CNR1: variants seen among roughly 807,000 people sequenced by gnomAD.
CNR1 encodes the protein cannabinoid receptor 1 (brain).
CNR1 carries 10 observed loss-of-function variants against 23.0 expected under a neutral mutation model. The ratio of observed to expected loss-of-function variants is 0.43; its 90% CI spans 0.27 to 0.74. The LOEUF is 0.74. CNR1 is among the 30% of genes least tolerant of loss of function. The pLI is 0.19. For missense variants in CNR1, 422 were observed against 618.8 expected (o/e 0.68, Z 3.37); for synonymous variants, 271 against 255.2 (o/e 1.06, Z -0.59).
intron 1 of CNR1, among the ~76,000 whole-genome samples, chr6:88,150,715 G>A (rs1176856319): frequency 6.6e-5 from 10 of 152,100 alleles, no homozygotes. Flanking sequence ...TTTAAGTATG[G>A]GTGGGAGTTG....
At position 88,143,842 on chromosome 6, in the gene CNR1, G is replaced by T. The variant is rs1357631157; in HGVS notation, c.*14C>A. 1.9e-6 allele frequency: 3 copies of T among 1,601,818 alleles called. No homozygotes were observed. The highest frequency in any genetic ancestry group is 1.1e-5 in the South Asian group (1 of 90,426). ...AAAAAATTCTTTTCCTGTGCTGCCAGGGAGGCATCAGGCTCACAGAGCCTC... is the reference window on the plus strand; with the variant it reads ...AAAAAATTCTTTTCCTGTGCTGCCATGGAGGCATCAGGCTCACAGAGCCTC... On this transcript the variant is annotated 3_prime_UTR_variant, in exon 2 of 2. Transcript: ENST00000369501.
intron 1 of CNR1, among the ~76,000 whole-genome samples, chr6:88,148,541 C>T (rs539604409): frequency 2.4e-3 from 359 of 152,048 alleles, no homozygotes; most frequent in Non-Finnish European, 3.8e-3. Context: ...AAGGATTCTC[C>T]CAATGCTGAT....
chr6:88,145,487 C>T (rs1301680242), intron 1 of CNR1, 150 bp from the exon 2 acceptor site: 2 of 532,202 alleles, frequency 3.8e-6, no homozygotes, highest in Admixed American at 7.0e-5. Context: ...ATTCAGTCAA[C>T]AAAATGAGTA....
At chr6:88,153,344 G>C (rs557735829) in intron 1 of CNR1, among the ~76,000 whole-genome samples, 2 of 152,084 alleles carry the variant, frequency 1.3e-5, no homozygotes, top group African/African-American at 2.4e-5. Context: ...AACCACAAAG[G>C]GTTTAAAATG....
intron 1 of CNR1, among the ~76,000 whole-genome samples, chr6:88,153,168 C>T (rs962920245): frequency 2.0e-5 from 3 of 152,030 alleles, no homozygotes; most frequent in Non-Finnish European, 2.9e-5. Flanking sequence ...TTCTTTTTGT[C>T]TATTTCTCTG....
chr6:88,147,125 T>C (rs1043770420), intron 1 of CNR1, among the ~76,000 whole-genome samples: 7 of 152,050 alleles, frequency 4.6e-5, no homozygotes, highest in South Asian at 2.1e-4. Context: ...ACCCCGTCTC[T>C]ACTAAAAATA....
chr6:88,166,199 G>T lies in CNR1; in HGVS notation c.-460C>A, dbSNP rs1008561700. On this transcript the variant is annotated 5_prime_UTR_variant, in exon 1 of 2. Transcript: ENST00000369501. ...GCGCCCCGCTGCTCCGACCGCCGGC[G>T]AGCCTCGCCCCTTCCCAGGCTCTTC... 1 of 151,954 alleles carries T rather than the reference G, an allele frequency of 6.6e-6. No homozygotes were observed. Among genetic ancestry groups the T allele is most frequent in the Non-Finnish European group, 1.5e-5 (1 of 67,986 alleles). The allele number at this position is 151,954 out of a possible 1,614,324, so 9.4% of individuals were successfully genotyped here. A position where few individuals can be genotyped will look rare whatever the true frequency, so the allele number is the denominator to read the frequency against.
intron 1 of CNR1, among the ~76,000 whole-genome samples, chr6:88,150,186 A>G (rs1777442098): frequency 6.6e-6 from 1 of 152,222 alleles, no homozygotes; most frequent in Non-Finnish European, 1.5e-5. Flanking sequence ...TCTTCCCTCA[A>G]TTAACTAACT....
chr6:88,142,587 G>A lies in CNR1; in HGVS notation c.*1269C>T, dbSNP rs1776882471. The A allele has an allele frequency of 6.6e-6, 1 of 152,324 alleles. No individual in the cohort carries two copies. Among genetic ancestry groups the A allele is most frequent in the Non-Finnish European group, 1.5e-5 (1 of 68,030 alleles). 9.4% of individuals were successfully genotyped at this position (152,324 alleles called of 1,614,324 possible). ...TTGATCCAATCTCTTAAGGAGGGAT[G>A]GGGTGAAATTTTTGAATGGTTGGAG... On this transcript the variant is annotated 3_prime_UTR_variant, in exon 2 of 2. Transcript: ENST00000369501.
chr6:88,144,787 T>A lies in CNR1; in HGVS notation c.488A>T (p.Asp163Val). ...YHFIGSLAVA[D>V]LLGSVIFVYS... ...GACAAAAATGACACTCCCCAGGAGG[T>A]CTGCCACCGCCAGGCTGCCGATGAA... The change falls in exon 2 of 2, where the codon GAC (aspartate) becomes GTC (valine). Residue 163 changes from aspartate (D) to valine (V), a missense_variant. Around this residue, in one of 4 missense-constraint regions of CNR1, gnomAD observed 211 missense variants for 357.3 expected, o/e 0.59. Coordinates refer to ENST00000369501, the MANE Select transcript of CNR1 (RefSeq NM_016083.6). This position sits in a 1 kb window ranked among gnomAD's most constrained non-coding sequence, Gnocchi z 7.8. 1 of 1,614,066 alleles carries A rather than the reference T, an allele frequency of 6.2e-7. No individual in the cohort carries two copies. Among genetic ancestry groups the A allele is most frequent in the Non-Finnish European group, 8.5e-7 (1 of 1,180,010 alleles).
chr6:88,157,977 C>A (rs1028708061), intron 1 of CNR1, among the ~76,000 whole-genome samples: 1 of 152,116 alleles, frequency 6.6e-6, no homozygotes, highest in Admixed American at 6.6e-5. Flanking sequence ...TTTATTATTG[C>A]GTAAATCCGG....
At chr6:88,163,507 C>G (rs193014105) in intron 1 of CNR1, among the ~76,000 whole-genome samples, 77 of 152,312 alleles carry the variant, frequency 5.1e-4, no homozygotes, top group African/African-American at 1.8e-3. Context: ...AACCAAGAAG[C>G]CTGTCTAAAT....
At chr6:88,167,097 G>C (rs1695654649), upstream of CNR1, among the ~76,000 whole-genome samples, 1 of 151,978 alleles carries the variant, frequency 6.6e-6, no homozygotes, top group East Asian at 1.9e-4. Flanking sequence ...GCCGGTCCCC[G>C]ATGCAAACAG....
At chr6:88,148,647 G>C (rs1777342991) in intron 1 of CNR1, among the ~76,000 whole-genome samples, 1 of 152,162 alleles carries the variant, frequency 6.6e-6, no homozygotes, top group Non-Finnish European at 1.5e-5. Flanking sequence ...ATTTAGGTAA[G>C]GTTATTAGCA....
chr6:88,149,438 TTA>T (rs1274461798), intron 1 of CNR1, among the ~76,000 whole-genome samples: 2 of 152,224 alleles, frequency 1.3e-5, no homozygotes, highest in African/African-American at 4.8e-5. Context: ...CCTTGCAAAC[TTA>T]TGTTTGCTTA....
chr6:88,144,594 A>T lies in CNR1; in HGVS notation c.681T>A (p.Ile227=), dbSNP rs1582325473. 1 of 1,614,212 alleles carries T rather than the reference A, an allele frequency of 6.2e-7. No individual in the cohort carries two copies. The highest frequency in any genetic ancestry group is 8.5e-7 in the Non-Finnish European group (1 of 1,180,036). Residue 227 remains isoleucine, a synonymous_variant, in exon 2 of 2, where the codon ATT becomes ATA. Transcript: ENST00000369501. This position sits in a 1 kb window ranked among gnomAD's most constrained non-coding sequence, Gnocchi z 7.8. The part of the protein sequence containing the change: ...SIHRPLAYKR[I]VTRPKAVVAF... ...CCACCACGGCCTTGGGCCTGGTGAC[A>T]ATCCTCTTATAGGCCAGGGGCCTGT...
At chr6:88,147,302 T>C (rs1777253343) in intron 1 of CNR1, among the ~76,000 whole-genome samples, 1 of 151,964 alleles carries the variant, frequency 6.6e-6, no homozygotes, top group Non-Finnish European at 1.5e-5. Flanking sequence ...CAGAGCAACA[T>C]TCTGTGAAAA....
intron 1 of CNR1, among the ~76,000 whole-genome samples, chr6:88,147,024 A>G (rs539142255): frequency 1.4e-3 from 216 of 152,282 alleles, no homozygotes; most frequent in African/African-American, 5.0e-3. Flanking sequence ...CGGGCACAGT[A>G]GTTCATGCCT....
chr6:88,141,299 C>A lies in CNR1; in HGVS notation c.*2557G>T, dbSNP rs1004940695. On this transcript the variant is annotated 3_prime_UTR_variant, in exon 2 of 2. Coordinates refer to ENST00000369501, the MANE Select transcript of CNR1 (RefSeq NM_016083.6). ...TTTTAAATGAAGGTTGTATAACATA[C>A]GTGATGATATTTCACAGATATTTCT... 1 of 152,678 alleles carries A rather than the reference C, an allele frequency of 6.5e-6. No homozygotes were observed. The highest frequency in any genetic ancestry group is 1.5e-5 in the Non-Finnish European group (1 of 68,020). The allele number at this position is 152,678 out of a possible 1,614,324, so 9.5% of individuals were successfully genotyped here.
Sources: allele counts gnomAD v4.1 joint callset (sites outside exome capture counted in the v4.1 genomes callset), GRCh38; gene constraint gnomAD v4.1.1; regional missense constraint gnomAD v4.1.1; non-coding constraint Gnocchi (gnomAD v3.1); transcripts MANE v1.5; gene names NCBI Gene and HGNC (gene_info 2026-07-23, HGNC 2026-07-21).